Variants in CCSER1 observed in about 807,000 individuals in gnomAD.
The protein encoded by CCSER1 is coiled-coil serine rich protein 1.
CCSER1 carries 41 observed loss-of-function variants against 82.0 expected under a neutral mutation model. The observed-to-expected ratio is 0.50, with a 90% CI of 0.39 to 0.65. The LOEUF is 0.65. CCSER1 is among the 30% of genes least tolerant of loss of function. The pLI is 0.00. For missense variants in CCSER1, 1,119 were observed against 1,064.2 expected, an observed-to-expected ratio of 1.05 and a Z score of -0.72; for synonymous variants, 414 against 383.9, an observed-to-expected ratio of 1.08 and a Z score of -0.92.
chr4:91,565,508 A>G (rs1578803734), intron 10 of CCSER1, among the ~76,000 whole-genome samples: 1 of 152,042 alleles, frequency 6.6e-6, no homozygotes, highest in South Asian at 2.1e-4. Context: ...CATTTTAAAG[A>G]TATTGATTCT....
At chr4:90,205,734 C>T (rs960266395) in intron 1 of CCSER1, among the ~76,000 whole-genome samples, 2 of 152,170 alleles carry the variant, frequency 1.3e-5, no homozygotes, top group Non-Finnish European at 2.9e-5. Flanking sequence ...GGAGGAGTCC[C>T]TCTTTTTCTA....
At chr4:90,480,858 C>T (rs563660102) in intron 5 of CCSER1, among the ~76,000 whole-genome samples, 102 of 152,230 alleles carry the variant, frequency 6.7e-4, no homozygotes, top group African/African-American at 2.2e-3. Flanking sequence ...CGTGGCAATG[C>T]GGGCTCTTTT....
chr4:91,164,135 A>G (rs529724640), intron 10 of CCSER1, among the ~76,000 whole-genome samples: 240 of 152,208 alleles, frequency 1.6e-3, no homozygotes, highest in Non-Finnish European at 2.8e-3. Flanking sequence ...GTGGTGACAA[A>G]ATCTCTCAGC....
chr4:91,193,958 C>CTTAT (rs1015118336), intron 10 of CCSER1, among the ~76,000 whole-genome samples: 1 of 151,854 alleles, frequency 6.6e-6, no homozygotes, highest in African/African-American at 2.4e-5. Context: ...GATTCCTATT[C>CTTAT]TTATTTATTT....
intron 7 of CCSER1, among the ~76,000 whole-genome samples, chr4:90,732,543 A>T (rs998803442): frequency 6.6e-6 from 1 of 152,174 alleles, no homozygotes; most frequent in Non-Finnish European, 1.5e-5. Flanking sequence ...TATTTAACAT[A>T]AACATTATTG....
chr4:91,369,621 A>C, intron 10 of CCSER1, among the ~76,000 whole-genome samples: 1 of 151,000 alleles, frequency 6.6e-6, no homozygotes. Context: ...CAAACCCTTC[A>C]AATACATTAA....
intron 1 of CCSER1, among the ~76,000 whole-genome samples, chr4:90,219,085 A>G (rs1470366338): frequency 1.3e-5 from 2 of 152,212 alleles, no homozygotes; most frequent in African/African-American, 4.8e-5. Flanking sequence ...GCTTCAGGGC[A>G]AAGAACAGGA....
intron 1 of CCSER1, among the ~76,000 whole-genome samples, chr4:90,154,606 G>C (rs1258980778): frequency 7.3e-4 from 108 of 148,484 alleles, no homozygotes; most frequent in Middle Eastern, 6.9e-3. Context: ...TCCCTTGTAA[G>C]TTGGATTCCT....
intron 9 of CCSER1, among the ~76,000 whole-genome samples, chr4:91,014,935 A>G (rs1739297037): frequency 1.2e-5 from 1 of 82,798 alleles, no homozygotes; most frequent in African/African-American, 2.9e-5. Flanking sequence ...AATCAAACCC[A>G]TAGTTTATTA....
At chr4:91,000,427 G>T (rs555222228) in intron 9 of CCSER1, among the ~76,000 whole-genome samples, 1 of 151,962 alleles carries the variant, frequency 6.6e-6, no homozygotes, top group Non-Finnish European at 1.5e-5. Flanking sequence ...TGTTCCATAT[G>T]AATTTTAGTA....
intron 8 of CCSER1, among the ~76,000 whole-genome samples, chr4:90,881,328 A>G (rs1721281991): frequency 6.6e-6 from 1 of 152,234 alleles, no homozygotes. Flanking sequence ...AGAGAGAGAG[A>G]GAGGGGGGAA....
At chr4:90,888,920 T>A (rs1722550658) in intron 8 of CCSER1, among the ~76,000 whole-genome samples, 1 of 152,190 alleles carries the variant, frequency 6.6e-6, no homozygotes, top group African/African-American at 2.4e-5. Context: ...TTCATTTGAC[T>A]AGAAATTTCA....
chr4:91,151,206 A>C (rs1450775035), intron 10 of CCSER1, among the ~76,000 whole-genome samples: 2 of 151,874 alleles, frequency 1.3e-5, no homozygotes, highest in Non-Finnish European at 2.9e-5. Flanking sequence ...GGGAGGGTGC[A>C]TTTGTCGAGG....
intron 9 of CCSER1, among the ~76,000 whole-genome samples, chr4:91,082,629 C>A (rs970786668): frequency 2.6e-5 from 4 of 152,252 alleles, no homozygotes; most frequent in African/African-American, 9.6e-5. Flanking sequence ...AGGCAACCTA[C>A]AGAATGGGAG....
At chr4:90,212,577 T>G (rs963687687) in intron 1 of CCSER1, among the ~76,000 whole-genome samples, 2 of 152,188 alleles carry the variant, frequency 1.3e-5, no homozygotes, top group African/African-American at 4.8e-5. Context: ...CTGAATAAAC[T>G]ATATTACATA....
At chr4:91,063,768 C>T (rs1178077553) in intron 9 of CCSER1, among the ~76,000 whole-genome samples, 1 of 152,024 alleles carries the variant, frequency 6.6e-6, no homozygotes, top group African/African-American at 2.4e-5. Flanking sequence ...AATATAATAA[C>T]GTTCAGCTAT....
rs1157216922 is a variant in CCSER1 at position 91,191,063 on chromosome 4, T to C, written c.2217+105069T>C. Among the ~76,000 whole-genome samples the C allele has an allele frequency of 2.6e-5, 4 of 152,232 alleles. No individual in the cohort carries two copies. The South Asian group carries it at 6.2e-4, about 24-fold the overall frequency. On this transcript the variant is annotated intron_variant, in intron 10 of 10. Transcript: ENST00000509176. ...ATTTTAATTTGGATAGTATGTAATG[T>C]CTAATACTTAATAGTATTGTTTGAT... is the stretch of plus-strand genomic sequence containing the variant.
intron 6 of CCSER1, among the ~76,000 whole-genome samples, chr4:90,686,258 T>C (rs1221943895): frequency 6.6e-6 from 1 of 152,084 alleles, no homozygotes; most frequent in Non-Finnish European, 1.5e-5. Flanking sequence ...TTTAATGACC[T>C]CTGCCATGAA....
At chr4:90,701,572 G>A (rs1269255433) in intron 6 of CCSER1, among the ~76,000 whole-genome samples, 2 of 152,118 alleles carry the variant, frequency 1.3e-5, no homozygotes, top group East Asian at 3.9e-4. Flanking sequence ...AAATTACCTT[G>A]GGCAGTATGG....
Sources: allele counts gnomAD v4.1 joint callset (sites outside exome capture counted in the v4.1 genomes callset), GRCh38; gene constraint gnomAD v4.1.1; transcripts MANE v1.5; gene names NCBI Gene and HGNC (gene_info 2026-07-23, HGNC 2026-07-21).